Variants in SEC23A observed in about 807,000 individuals in gnomAD.
The protein encoded by SEC23A is protein transport protein Sec23A.
In SEC23A, 56 loss-of-function variants were observed where a neutral mutation model predicts 103.7. The ratio of observed to expected loss-of-function variants is 0.54; its 90% CI spans 0.44 to 0.67. The LOEUF (loss-of-function observed/expected upper bound fraction) is 0.67. Ranked by LOEUF, SEC23A falls within the 30% of genes least tolerant of loss-of-function variation. SEC23A has a pLI of 0.00. For missense variants in SEC23A, 784 were observed against 936.4 expected (o/e 0.84, Z 2.12); for synonymous variants, 281 against 293.0 (o/e 0.96, Z 0.42).
Position 39,040,758 on chromosome 14 carries a change from T to G in SEC23A, c.2116A>C (p.Ile706Leu). 6.2e-7 allele frequency: 1 copy of G among 1,614,216 alleles called. No homozygotes were observed. The highest frequency in any genetic ancestry group is 8.5e-7 in the Non-Finnish European group (1 of 1,180,042). Residue 706 changes from isoleucine (I) to leucine (L), a missense_variant, in exon 18 of 20, where the codon ATT becomes CTT. Coordinates refer to ENST00000307712, the MANE Select transcript of SEC23A (RefSeq NM_006364.4). Reference sequence around the variant, plus strand: ...TGGCTGCCTCCATGTTCAGTGTCAATGTATCTTGGCATTGGAAATCTGGAG... The same window carrying G: ...TGGCTGCCTCCATGTTCAGTGTCAAGGTATCTTGGCATTGGAAATCTGGAG... Reference protein sequence around the residue: ...LHSRFPMPRYIDTEHGGSQAR... With the variant: ...LHSRFPMPRYLDTEHGGSQAR...
chr14:39,075,981 T>C lies in SEC23A; in HGVS notation c.941A>G (p.His314Arg), dbSNP rs1055569163. 9 of 1,614,046 alleles carry C rather than the reference T, an allele frequency of 5.6e-6. No homozygotes were observed. Among genetic ancestry groups the C allele is most frequent in the Non-Finnish European group, 6.8e-6 (8 of 1,179,976 alleles). Residue 314 changes from histidine to arginine, a missense_variant, in exon 8 of 20, where the codon CAT becomes CGT. By Grantham distance (29) the His-to-Arg change is conservative. Transcript: ENST00000307712. The stretch of plus-strand genomic sequence containing the variant: ...TTTGGCATTGTCTTTGTCAATGTCA[T>C]GCCACGATCTTATAGGTGTCTTCAA... Reference protein sequence around the residue: ...DELKTPIRSWHDIDKDNAKYV... With the variant: ...DELKTPIRSWRDIDKDNAKYV...
At chr14:39,034,403 T>C (rs1885396667) in intron 19 of SEC23A, among the ~76,000 whole-genome samples, 1 of 152,236 alleles carries the variant, frequency 6.6e-6, no homozygotes, top group Non-Finnish European at 1.5e-5. Flanking sequence ...ACAGTAGACA[T>C]ACATGTTTTA....
Position 39,061,850 on chromosome 14 carries a change from C to T in SEC23A, c.1420G>A (p.Gly474Arg). ...VNQHNAPIPQ[G>R]GRGAIQFVTQ... ...ACAAACTGGATTGCACCACGCCCTCCTTGAGGAATTGGAGCATTATGCTGT... is the reference window on the plus strand; with the variant it reads ...ACAAACTGGATTGCACCACGCCCTCTTTGAGGAATTGGAGCATTATGCTGT... The change falls in exon 13 of 20, where the codon GGA becomes AGA. Residue 474 changes from glycine to arginine, a missense_variant. Transcript: ENST00000307712. The T allele has an allele frequency of 2.5e-6, 4 of 1,613,644 alleles. No homozygotes were observed. The highest frequency in any genetic ancestry group is 3.4e-6 in the Non-Finnish European group (4 of 1,179,554).
chr14:39,043,628 G>A (rs1245193938), intron 16 of SEC23A, among the ~76,000 whole-genome samples: 1 of 152,188 alleles, frequency 6.6e-6, no homozygotes, highest in East Asian at 1.9e-4. Context: ...AGGGAAGACA[G>A]GGAAAGCCAG....
At chr14:39,036,069 C>A (rs1006635031) in intron 19 of SEC23A, among the ~76,000 whole-genome samples, 1 of 151,842 alleles carries the variant, frequency 6.6e-6, no homozygotes, top group Non-Finnish European at 1.5e-5. Context: ...ACCTGTAATC[C>A]CAGCACTTTG....
chr14:39,039,463 A>G (rs987459357), intron 18 of SEC23A: 6 of 223,084 alleles, frequency 2.7e-5, no homozygotes, highest in Admixed American at 1.1e-4. Context: ...GAAAATCTGT[A>G]TGTTCTTTTG....
At chr14:39,090,395 T>C (rs763200368) in intron 5 of SEC23A, among the ~76,000 whole-genome samples, 2 of 152,054 alleles carry the variant, frequency 1.3e-5, no homozygotes, top group Admixed American at 1.3e-4. Context: ...TTATGGACTA[T>C]CAAAATCTCT....
chr14:39,094,413 T>C (rs1566514940), intron 2 of SEC23A, among the ~76,000 whole-genome samples: 1 of 31,884 alleles, frequency 3.1e-5, no homozygotes, highest in African/African-American at 2.5e-4. Flanking sequence ...TATATATATA[T>C]ATATATATAT....
chr14:39,039,869 A>T (rs1347630878), intron 18 of SEC23A: 2 of 152,210 alleles, frequency 1.3e-5, no homozygotes, highest in Non-Finnish European at 2.9e-5. Context: ...TAACACTAGA[A>T]TTCTTATGAG....
intron 10 of SEC23A, among the ~76,000 whole-genome samples, 198 bp from the exon 11 acceptor site, chr14:39,065,191 T>TA (rs1566495288): frequency 6.6e-6 from 1 of 152,182 alleles, no homozygotes; most frequent in African/African-American, 2.4e-5. Flanking sequence ...AACCTAATGT[T>TA]AACCTTCTAT....
At position 39,081,007 on chromosome 14, in the gene SEC23A, C is replaced by T. The variant is rs796743940; in HGVS notation, c.828+4755G>A. ...ATCACTTGAGACCAGGAGTTTGAGA[C>T]CTGTCTGGGCAACATGGCAAGACTC... On this transcript the variant is annotated intron_variant, in intron 7 of 19. Coordinates refer to ENST00000307712, the MANE Select transcript of SEC23A (RefSeq NM_006364.4). Among the ~76,000 whole-genome samples the T allele has an allele frequency of 5.9e-5, 9 of 152,114 alleles. No homozygotes were observed. The South Asian group carries it at 8.3e-4, about 14-fold the overall frequency.
chr14:39,098,525 T>C (rs1379670442), intron 1 of SEC23A, among the ~76,000 whole-genome samples: 2 of 152,006 alleles, frequency 1.3e-5, no homozygotes, highest in Non-Finnish European at 2.9e-5. Flanking sequence ...CCTGTAATCC[T>C]AGCACTTTGG....
At position 39,099,978 on chromosome 14, in the gene SEC23A, AG is replaced by A. The variant is rs1226994733; in HGVS notation, c.-22+3053del. 1.3e-4 allele frequency among the ~76,000 whole-genome samples: 20 copies of A among 152,254 alleles called. No individual in the cohort carries two copies. The East Asian group carries it at 2.7e-3, about 21-fold the overall frequency. On this transcript the variant is annotated intron_variant, in intron 1 of 19. Transcript: ENST00000307712. ...TAAGAAAGGTTCCAGGAGTCTTAGC[AG>A]GAAGACATTCACACACAGACAATAG...
At chr14:39,090,615 T>C (rs1262204613) in intron 5 of SEC23A, among the ~76,000 whole-genome samples, 1 of 152,110 alleles carries the variant, frequency 6.6e-6, no homozygotes, top group Non-Finnish European at 1.5e-5. Flanking sequence ...AAGTGAAATG[T>C]TAAGAAATAA....
chr14:39,064,786 C>T, intron 11 of SEC23A, 127 bp downstream of exon 11: 1 of 767,264 alleles, frequency 1.3e-6, no homozygotes, highest in South Asian at 1.4e-5. Flanking sequence ...CTCTATGTTG[C>T]CTGAGCTGGT....
chr14:39,061,659 T>G, intron 13 of SEC23A, 106 bp downstream of exon 13: 2 of 778,492 alleles, frequency 2.6e-6, no homozygotes, highest in Non-Finnish European at 4.6e-6. Flanking sequence ...TAGTCACAAA[T>G]ATTCACTTGC....
At chr14:39,058,357 G>C (rs902705961) in intron 13 of SEC23A, among the ~76,000 whole-genome samples, 1 of 151,774 alleles carries the variant, frequency 6.6e-6, no homozygotes, top group Non-Finnish European at 1.5e-5. Flanking sequence ...CTGGACTGCG[G>C]ACTGCAGTGG....
At position 39,055,240 on chromosome 14, in the gene SEC23A, G is replaced by A. The variant is rs147329319; in HGVS notation, c.1562C>T (p.Ala521Val). 5.0e-6 allele frequency: 8 copies of A among 1,614,002 alleles called. No individual in the cohort carries two copies. The African/African-American group carries it at 9.3e-5, about 19-fold the overall frequency. ...TAGCCGGGCCATAAGAATGGCAGCTGCCTCCTGGTCAAAAGATGCAGCAAT... is the reference window on the plus strand; with the variant it reads ...TAGCCGGGCCATAAGAATGGCAGCTACCTCCTGGTCAAAAGATGCAGCAAT... ...QNIAASFDQE[A>V]AAILMARLAI... is the part of the protein sequence containing the mutation. The change falls in exon 14 of 20, where the codon GCA becomes GTA. Residue 521 changes from alanine to valine, a missense_variant. This residue lies in a region of SEC23A where 683 missense variants were observed against 774.2 expected (regional missense o/e 0.88). Coordinates refer to ENST00000307712, the MANE Select transcript of SEC23A (RefSeq NM_006364.4).
rs939985253 is a variant in SEC23A at position 39,074,422 on chromosome 14, G to A, written c.1096C>T (p.Leu366Phe). The A allele has an allele frequency of 1.9e-6, 3 of 1,596,730 alleles. No homozygotes were observed. The highest frequency in any genetic ancestry group is 1.7e-6 in the Non-Finnish European group (2 of 1,164,524). Residue 366 changes from leucine to phenylalanine, a missense_variant, in exon 9 of 20, where the codon CTT becomes TTT. Coordinates refer to ENST00000307712, the MANE Select transcript of SEC23A (RefSeq NM_006364.4). ...GLLEMKCCPN[L>F]TGGYMVMGDS... The stretch of plus-strand genomic sequence containing the variant: ...AAAAATTTAAATACATACCCAGTAA[G>A]GTTGGGACAGCATTTCATCTCCAGG...
Sources: allele counts gnomAD v4.1 joint callset (sites outside exome capture counted in the v4.1 genomes callset), GRCh38; gene constraint gnomAD v4.1.1; regional missense constraint gnomAD v4.1.1; transcripts MANE v1.5; gene names NCBI Gene and HGNC (gene_info 2026-07-23, HGNC 2026-07-21).